ZFYVE28: variants seen among roughly 807,000 people sequenced by gnomAD.
ZFYVE28 encodes lateral signaling target protein 2 homolog.
A neutral mutation model predicts 82.1 loss-of-function variants in ZFYVE28; 40 were observed. That is an observed-to-expected ratio of 0.49 (90% CI 0.38 to 0.63). The LOEUF (loss-of-function observed/expected upper bound fraction) is 0.63. Ranked by LOEUF, ZFYVE28 falls within the 30% of genes least tolerant of loss-of-function variation. The pLI, the probability that ZFYVE28 is intolerant of heterozygous loss-of-function variation, is 0.00. For synonymous variants in ZFYVE28, 612 were observed against 546.1 expected (o/e 1.12, Z -1.68); for missense variants, 1,321 against 1,242.1 (o/e 1.06, Z -0.96).
intron 8 of ZFYVE28, among the ~76,000 whole-genome samples, chr4:2,281,221 G>A (rs1013105013): frequency 7.9e-5 from 12 of 152,152 alleles, no homozygotes; most frequent in African/African-American, 2.7e-4. Flanking sequence ...GAACCGGCTG[G>A]GCTTGGAAGG....
intron 1 of ZFYVE28, among the ~76,000 whole-genome samples, chr4:2,377,564 A>T (rs1728291091): frequency 6.6e-6 from 1 of 152,016 alleles, no homozygotes; most frequent in Non-Finnish European, 1.5e-5. Context: ...CTGCCCCTTC[A>T]CTAGCAGTTC....
chr4:2,315,902 T>C (rs1356911891), intron 7 of ZFYVE28, among the ~76,000 whole-genome samples: 1 of 152,128 alleles, frequency 6.6e-6, no homozygotes, highest in Non-Finnish European at 1.5e-5. Flanking sequence ...GGATTCCAAT[T>C]ATGTTTTTTA....
At chr4:2,316,025 C>G (rs1718160388) in intron 7 of ZFYVE28, among the ~76,000 whole-genome samples, 1 of 152,072 alleles carries the variant, frequency 6.6e-6, no homozygotes, top group South Asian at 2.1e-4. Flanking sequence ...TGGGTCTCTT[C>G]TATTAAGCTA....
At chr4:2,278,431 A>C (rs1344603288) in intron 8 of ZFYVE28, among the ~76,000 whole-genome samples, 2 of 150,098 alleles carry the variant, frequency 1.3e-5, no homozygotes, top group Non-Finnish European at 2.9e-5. Context: ...CAAGTGATCC[A>C]CCCACCTCAG....
chr4:2,371,849 GC>G lies in ZFYVE28; in HGVS notation c.40-17777del, dbSNP rs977788397. 5.3e-5 allele frequency among the ~76,000 whole-genome samples: 8 copies of G among 151,448 alleles called. No individual in the cohort carries two copies. The South Asian group carries it at 8.3e-4, about 16-fold the overall frequency. On this transcript the variant is annotated intron_variant, in intron 1 of 12. Coordinates refer to ENST00000290974, the MANE Select transcript of ZFYVE28 (RefSeq NM_020972.3). ...TAACCCAGCAAACAGCTGGCAGCCC[GC>G]CCCCCACCCAGCGTGAGAAGCCGGC...
chr4:2,350,034 G>GACACACACACACACACACACAC (rs71644325), intron 2 of ZFYVE28, among the ~76,000 whole-genome samples: 2 of 148,828 alleles, frequency 1.3e-5, no homozygotes, highest in African/African-American at 4.9e-5. Context: ...GTGACACACA[G>GACACACACACACACACACACAC]ACACACACAC....
At chr4:2,312,940 G>T (rs148138653) in intron 7 of ZFYVE28, among the ~76,000 whole-genome samples, 1 of 152,134 alleles carries the variant, frequency 6.6e-6, no homozygotes, top group East Asian at 1.9e-4. Context: ...AGCTACTCAG[G>T]AGGCTGAGGC....
At chr4:2,412,408 G>A (rs2108688663) in intron 1 of ZFYVE28, among the ~76,000 whole-genome samples, 1 of 152,280 alleles carries the variant, frequency 6.6e-6, no homozygotes, top group Admixed American at 6.5e-5. Flanking sequence ...CTTGGACAGA[G>A]ATGATCTCCT....
chr4:2,363,413 C>T (rs181839456), intron 1 of ZFYVE28, among the ~76,000 whole-genome samples: 10 of 152,234 alleles, frequency 6.6e-5, no homozygotes, highest in Admixed American at 2.0e-4. Flanking sequence ...AGGGAGGAAC[C>T]GCCTGGGCTT....
At chr4:2,285,945 C>T (rs1321428602) in intron 8 of ZFYVE28, 2 of 152,376 alleles carry the variant, frequency 1.3e-5, no homozygotes, top group Admixed American at 6.5e-5. Context: ...TGTCTTGGAG[C>T]ACCCTCCAAT....
chr4:2,382,195 C>T (rs1728794304), intron 1 of ZFYVE28, among the ~76,000 whole-genome samples: 1 of 152,238 alleles, frequency 6.6e-6, no homozygotes, highest in Non-Finnish European at 1.5e-5. Context: ...TCTGCTAGGG[C>T]AGTGTGGAAG....
At chr4:2,275,830 A>G (rs1477687064) in intron 8 of ZFYVE28, among the ~76,000 whole-genome samples, 1 of 152,254 alleles carries the variant, frequency 6.6e-6, no homozygotes, top group African/African-American at 2.4e-5. Flanking sequence ...GTCTGTCTGC[A>G]GAGATGCAGG....
Position 2,270,607 on chromosome 4 carries a change from G to C in ZFYVE28, c.*118C>G. The C allele has an allele frequency of 6.9e-7, 1 of 1,443,218 alleles. No individual in the cohort carries two copies. Among genetic ancestry groups the C allele is most frequent in the Admixed American group, 2.0e-5 (1 of 50,630 alleles). 89.4% of individuals were successfully genotyped at this position (1,443,218 alleles called of 1,614,324 possible). ...AGGCTCTGGATGCTCTGGAGGTCTG[G>C]GTGCCCCTGCAGCAGCGGCAGCGGC... is the stretch of plus-strand genomic sequence containing the variant. On this transcript the variant is annotated 3_prime_UTR_variant, in exon 13 of 13. Transcript: ENST00000290974.
chr4:2,370,235 G>C (rs1326172575), intron 1 of ZFYVE28, among the ~76,000 whole-genome samples: 1 of 152,088 alleles, frequency 6.6e-6, no homozygotes, highest in South Asian at 2.1e-4. Context: ...ACAGCACCAC[G>C]ATTACCTGAT....
Position 2,347,492 on chromosome 4 carries a change from T to C in ZFYVE28, c.181-5877A>G, listed in dbSNP as rs539321477. 2.6e-5 allele frequency among the ~76,000 whole-genome samples: 4 copies of C among 152,270 alleles called. No individual in the cohort carries two copies. In the South Asian group the frequency reaches 8.3e-4, roughly 32 times the overall value. ...GATTCCCGATTGTATATGGAACATA[T>C]ACCAAGAAAGACCAAATTCTGGGCC... On this transcript the variant is annotated intron_variant, in intron 2 of 12. Coordinates refer to ENST00000290974, the MANE Select transcript of ZFYVE28 (RefSeq NM_020972.3).
rs1715351405 is a variant in ZFYVE28, at chr4:2,300,528, C to T, written c.2051+3761G>A. The stretch of plus-strand genomic sequence containing the variant: ...CCAGGTGACAGCACCTGAGGAAACG[C>T]TCCAGAGAGGGGCTCCTCCTGGCTG... On this transcript the variant is annotated intron_variant, in intron 8 of 12. Transcript: ENST00000290974. This position sits in a 1 kb window ranked among gnomAD's most constrained non-coding sequence, Gnocchi z 4.6. 6.6e-6 allele frequency among the ~76,000 whole-genome samples: 1 copy of T among 152,160 alleles called. No individual in the cohort carries two copies. Among genetic ancestry groups the T allele is most frequent in the South Asian group, 2.1e-4 (1 of 4,832 alleles).
At chr4:2,276,373 G>T (rs1461747376) in intron 8 of ZFYVE28, among the ~76,000 whole-genome samples, 1 of 152,194 alleles carries the variant, frequency 6.6e-6, no homozygotes, top group African/African-American at 2.4e-5. Context: ...CAGCTTGGGG[G>T]TGTGGGCCTT....
intron 8 of ZFYVE28, among the ~76,000 whole-genome samples, chr4:2,288,215 G>A (rs370295717): frequency 1.3e-5 from 2 of 152,174 alleles, no homozygotes; most frequent in African/African-American, 2.4e-5. Context: ...ATGAAGGCCC[G>A]AGGACCTGCA....
intron 5 of ZFYVE28, among the ~76,000 whole-genome samples, chr4:2,336,771 G>T (rs1721789596): frequency 6.7e-6 from 1 of 149,508 alleles, no homozygotes; most frequent in African/African-American, 2.5e-5. Context: ...TGAGGAGTGA[G>T]GAGGTGAGGA....
Sources: allele counts gnomAD v4.1 joint callset (sites outside exome capture counted in the v4.1 genomes callset), GRCh38; gene constraint gnomAD v4.1.1; non-coding constraint Gnocchi (gnomAD v3.1); transcripts MANE v1.5; gene names NCBI Gene and HGNC (gene_info 2026-07-23, HGNC 2026-07-21).